MTNAP1: variants seen among roughly 807,000 people sequenced by gnomAD.
The protein encoded by MTNAP1 is mitochondrial nucleoid-associated protein 1.
At chr17:73,241,315 G>T in the MTNAP1 span, among the ~76,000 whole-genome samples, 7 of 151,932 alleles carry the variant, frequency 4.6e-5, no homozygotes, top group Non-Finnish European at 8.8e-5. Context: ...CCGCCACCAC[G>T]CCCGGCTAAT....
the MTNAP1 span, chr17:73,244,670 T>C: frequency 6.6e-6 from 1 of 151,726 alleles, no homozygotes; most frequent in East Asian, 1.9e-4. Flanking sequence ...CGATGAATTC[T>C]GAAGGCCAGC....
At chr17:73,248,755 C>A in the MTNAP1 span, 1 of 512,686 alleles carries the variant, frequency 2.0e-6, no homozygotes, top group Non-Finnish European at 3.5e-6. Flanking sequence ...GGATTAACCT[C>A]GGGGCGGCCT....
chr17:73,246,113 A>G, the MTNAP1 span, among the ~76,000 whole-genome samples: 1 of 152,158 alleles, frequency 6.6e-6, no homozygotes, highest in South Asian at 2.1e-4. Context: ...GTGTTTCCCC[A>G]ACCTCCTTTC....
the MTNAP1 span, chr17:73,236,732 C>G: frequency 1.2e-4 from 193 of 1,614,084 alleles, no homozygotes; most frequent in Non-Finnish European, 7.0e-5. Context: ...GAGCCCAAAT[C>G]TGATAGTCAG....
the MTNAP1 span, chr17:73,236,206 G>C: frequency 6.2e-7 from 1 of 1,614,172 alleles, no homozygotes; most frequent in African/African-American, 1.3e-5. Context: ...GGTTAAAAGG[G>C]TAAGAACATT....
At chr17:73,235,519 T>C in the MTNAP1 span, 2 of 1,613,888 alleles carry the variant, frequency 1.2e-6, no homozygotes, top group Non-Finnish European at 1.7e-6. Flanking sequence ...AGTGTGTCCT[T>C]ACTGTAAGAA....
At chr17:73,238,218 T>A in the MTNAP1 span, among the ~76,000 whole-genome samples, 3 of 152,202 alleles carry the variant, frequency 2.0e-5, no homozygotes, top group Non-Finnish European at 4.4e-5. Context: ...ACCTCTCTAG[T>A]TAAAATACAT....
At chr17:73,248,866 A>G in the MTNAP1 span, 1 of 272,640 alleles carries the variant, frequency 3.7e-6, no homozygotes, top group Non-Finnish European at 7.0e-6. Context: ...AAATAAAATC[A>G]TTTTATTATC....
chr17:73,241,531 A>G, the MTNAP1 span, among the ~76,000 whole-genome samples: 1 of 152,212 alleles, frequency 6.6e-6, no homozygotes, highest in Non-Finnish European at 1.5e-5. Flanking sequence ...TTTGCTGGCC[A>G]ATAATAGCGA....
At chr17:73,248,651 A>T in the MTNAP1 span, 25 of 1,072,978 alleles carry the variant, frequency 2.3e-5, no homozygotes, top group East Asian at 6.5e-4. Flanking sequence ...CATGCTTGAG[A>T]GGACGTATTT....
the MTNAP1 span, among the ~76,000 whole-genome samples, chr17:73,246,398 CAG>C: frequency 3.3e-5 from 5 of 152,106 alleles, no homozygotes; most frequent in Non-Finnish European, 7.3e-5. Context: ...TAGCTGAGCT[CAG>C]TGGCACACGC....
the MTNAP1 span, chr17:73,235,727 T>C: frequency 6.2e-7 from 1 of 1,613,906 alleles, no homozygotes; most frequent in Non-Finnish European, 8.5e-7. Flanking sequence ...TCTAAGTTGG[T>C]GGTGGACAAA....
the MTNAP1 span, chr17:73,245,823 G>T: frequency 1.5e-6 from 1 of 679,186 alleles, no homozygotes; most frequent in Non-Finnish European, 1.8e-6. Context: ...CATCTTAATT[G>T]AGTATAATAA....
chr17:73,236,217 A>G, the MTNAP1 span: 4 of 1,614,214 alleles, frequency 2.5e-6, no homozygotes, highest in African/African-American at 2.7e-5. Context: ...TAAGAACATT[A>G]TTAAGCAATG....
At chr17:73,242,803 T>A in the MTNAP1 span, 1 of 886,914 alleles carries the variant, frequency 1.1e-6, no homozygotes, top group African/African-American at 1.7e-5. Context: ...TACAGTTCCA[T>A]CACTCAGGCT....
chr17:73,245,177 G>A, the MTNAP1 span: 39 of 1,613,642 alleles, frequency 2.4e-5, no homozygotes, highest in South Asian at 1.4e-4. Context: ...GAGCTGCAGC[G>A]GTGGCGTAAG....
the MTNAP1 span, chr17:73,232,648 G>T: frequency 4.0e-6 from 1 of 249,310 alleles, no homozygotes; most frequent in Non-Finnish European, 7.6e-6. Flanking sequence ...GCCGGGGGTT[G>T]GGCAGGGGCC....
the MTNAP1 span, chr17:73,236,945 T>C: frequency 3.8e-5 from 61 of 1,609,456 alleles, no homozygotes; most frequent in Middle Eastern, 6.6e-4. Context: ...TGGAATGCAA[T>C]GACCCAGAAG....
At chr17:73,241,180 C>T in the MTNAP1 span, among the ~76,000 whole-genome samples, 2 of 151,904 alleles carry the variant, frequency 1.3e-5, no homozygotes, top group Non-Finnish European at 2.9e-5. Flanking sequence ...GTTTTTGAGG[C>T]AGAGTCTTGC....
Sources: allele counts gnomAD v4.1 joint callset (sites outside exome capture counted in the v4.1 genomes callset), GRCh38; gene constraint gnomAD v4.1.1; transcripts MANE v1.5; gene names NCBI Gene and HGNC (gene_info 2026-07-23, HGNC 2026-07-21).